The following XPO6 variants were observed in gnomAD, a reference collection of about 807,000 sequenced individuals.
XPO6 encodes exportin-6.
A neutral mutation model predicts 130.0 loss-of-function variants in XPO6; 3 were observed. The ratio of observed to expected loss-of-function variants is 0.02; its 90% confidence interval spans 0.01 to 0.06. XPO6 has a LOEUF of 0.06. XPO6 is among the 10% of genes least tolerant of loss of function. XPO6 has a pLI of 1.00. For missense variants in XPO6, 970 were observed against 1,393.0 expected (o/e 0.70, Z 4.83); for synonymous variants, 524 against 548.9 (o/e 0.95, Z 0.63).
chr16:28,155,966 G>T, intron 7 of XPO6, 108 bp downstream of exon 7: 2 of 1,472,184 alleles, frequency 1.4e-6, no homozygotes, highest in South Asian at 2.9e-5. Flanking sequence ...CTCACCAGGA[G>T]CCCCATATTC....
intron 11 of XPO6, 72 bp downstream of exon 11, chr16:28,133,769 G>A (rs1329650249): frequency 2.1e-6 from 3 of 1,407,786 alleles, no homozygotes; most frequent in Middle Eastern, 1.8e-4. Context: ...GAGAGATCCA[G>A]GGGAGTCAAC....
In XPO6 at chr16:28,156,095, C is replaced by T; in HGVS notation, c.1076G>A (p.Arg359Lys). 6.2e-7 allele frequency: 1 copy of T among 1,609,654 alleles called. No homozygotes were observed. The highest frequency in any genetic ancestry group is 2.2e-5 in the East Asian group (1 of 44,886). Residue 359 changes from arginine to lysine, a missense_variant, in exon 7 of 24, where the codon AGG becomes AAG. Transcript: ENST00000304658. ...KDNNAHTVKS[R>K]LEELDESYIE... is the part of the protein sequence containing the mutation. ...TTACCTCTCATCGAGCTCTTCTAGC[C>T]TGCTCTTCACTGTGTGGGCATTGTT...
chr16:28,098,495 A>G lies in XPO6; in HGVS notation c.*43T>C. The G allele has an allele frequency of 6.5e-7, 1 of 1,538,538 alleles. No individual in the cohort carries two copies. Among genetic ancestry groups the G allele is most frequent in the South Asian group, 1.2e-5 (1 of 86,728 alleles). ...CTGTGGTGGAAGGTAGGGCTGGCGCAGGTGGCAGCAGCAGAAGTCCGTGTC... is the reference window on the plus strand; with the variant it reads ...CTGTGGTGGAAGGTAGGGCTGGCGCGGGTGGCAGCAGCAGAAGTCCGTGTC... On this transcript the variant is annotated 3_prime_UTR_variant, in exon 24 of 24. Transcript: ENST00000304658.
At chr16:28,118,365 CTGTT>C (rs1170666407) in intron 14 of XPO6, among the ~76,000 whole-genome samples, 3 of 152,038 alleles carry the variant, frequency 2.0e-5, no homozygotes, top group African/African-American at 7.2e-5. Flanking sequence ...TTTTGTTTAT[CTGTT>C]TGTTTACTTG....
chr16:28,159,345 A>T (rs2043234810), intron 6 of XPO6, among the ~76,000 whole-genome samples: 1 of 152,194 alleles, frequency 6.6e-6, no homozygotes, highest in African/African-American at 2.4e-5. Flanking sequence ...GAAAAAAATG[A>T]TGAAGAGTGA....
intron 9 of XPO6, among the ~76,000 whole-genome samples, chr16:28,141,757 G>A (rs367859095): frequency 6.6e-5 from 10 of 152,120 alleles, no homozygotes; most frequent in Non-Finnish European, 1.2e-4. Flanking sequence ...TCAGGAGATC[G>A]AGACCACCCT....
intron 4 of XPO6, among the ~76,000 whole-genome samples, chr16:28,174,077 C>A (rs1156457906): frequency 1.3e-5 from 2 of 152,078 alleles, no homozygotes; most frequent in East Asian, 1.9e-4. Context: ...CTTAAGAGAG[C>A]CTTGGAGAGG....
chr16:28,125,217 CA>C (rs932793856), intron 13 of XPO6, among the ~76,000 whole-genome samples: 2 of 152,172 alleles, frequency 1.3e-5, no homozygotes, highest in Non-Finnish European at 2.9e-5. Flanking sequence ...GGAAAAAACA[CA>C]AAAAGCACCC....
At chr16:28,155,871 T>C (rs2043176172) in intron 7 of XPO6, 1 of 1,326,612 alleles carries the variant, frequency 7.5e-7, no homozygotes, top group Non-Finnish European at 9.7e-7. Context: ...GGCACAAGCA[T>C]TTTTCAAACT....
At chr16:28,185,386 A>AAT (rs1205749853) in intron 1 of XPO6, among the ~76,000 whole-genome samples, 50 of 151,762 alleles carry the variant, frequency 3.3e-4, no homozygotes, top group African/African-American at 1.2e-3. Context: ...ATAATAATTT[A>AAT]AATAAGTAAA....
rs534198330 is a variant in XPO6 at position 28,140,253 on chromosome 16, T to G, written c.1335-4929A>C. 8.4e-5 allele frequency among the ~76,000 whole-genome samples: 12 copies of G among 142,818 alleles called. No individual in the cohort carries two copies. In the South Asian group the frequency reaches 1.3e-3, roughly 16 times the overall value. The allele number at this position is 142,818 out of a possible 152,430, so 93.7% of individuals were successfully genotyped here. A position where few individuals can be genotyped will look rare whatever the true frequency, so the allele number is the denominator to read the frequency against. On this transcript the variant is annotated intron_variant, in intron 9 of 23. Coordinates refer to ENST00000304658, the MANE Select transcript of XPO6 (RefSeq NM_015171.4). ...TCTCAAAAAAAAAAAAAAAAAGACA[T>G]GTACAAATTAAACTAGAAAACAATA...
At chr16:28,177,645 C>T (rs1266746667) in intron 2 of XPO6, among the ~76,000 whole-genome samples, 1 of 152,126 alleles carries the variant, frequency 6.6e-6, no homozygotes, top group Non-Finnish European at 1.5e-5. Context: ...TCTAAGAGTA[C>T]CCTTCCATCT....
intron 8 of XPO6, among the ~76,000 whole-genome samples, chr16:28,149,074 C>A (rs4788047): frequency 0.31 from 40,763 of 132,612 alleles, 5,887 homozygotes; most frequent in African/African-American, 0.36. Context: ...AAAAAAAAAA[C>A]AAAAGGAAGG....
intron 20 of XPO6, chr16:28,105,837 T>A: frequency 1.4e-6 from 1 of 720,906 alleles, no homozygotes; most frequent in Non-Finnish European, 2.2e-6. Context: ...ACTGCCATGC[T>A]TACACTAGAC....
At chr16:28,168,599 TTTC>T (rs898142515) in intron 5 of XPO6, among the ~76,000 whole-genome samples, 1 of 139,302 alleles carries the variant, frequency 7.2e-6, no homozygotes, top group Non-Finnish European at 1.6e-5. Context: ...TCTTTTTCTT[TTTC>T]TTTTTTTTTT....
rs569828911 is a variant in XPO6 at position 28,132,653 on chromosome 16, T to TAA, written c.1537-251_1537-250insTT. On this transcript the variant is annotated intron_variant, in intron 11 of 23. Coordinates refer to ENST00000304658, the MANE Select transcript of XPO6 (RefSeq NM_015171.4). This position sits in a 1 kb window ranked among gnomAD's most constrained non-coding sequence, Gnocchi z 4.0. ...AAAACGTATTAGTTCAACCCTTTTT[T>TAA]TAAAAAAAAAAAAAAAGCAAAGGAC... 5.1e-5 allele frequency among the ~76,000 whole-genome samples: 7 copies of TAA among 136,312 alleles called. No individual in the cohort carries two copies. The highest frequency in any genetic ancestry group is 2.0e-4 in the East Asian group (1 of 4,954). 89.4% of individuals were successfully genotyped at this position (136,312 alleles called of 152,430 possible).
intron 1 of XPO6, among the ~76,000 whole-genome samples, chr16:28,205,351 C>T (rs1459568042): frequency 1.3e-5 from 2 of 152,102 alleles, no homozygotes; most frequent in Admixed American, 1.3e-4. Flanking sequence ...TATATGTGAC[C>T]TTTGTAACTG....
chr16:28,152,484 T>C (rs1344034258), intron 8 of XPO6, among the ~76,000 whole-genome samples, 175 bp downstream of exon 8: 2 of 152,214 alleles, frequency 1.3e-5, no homozygotes, highest in Non-Finnish European at 2.9e-5. Context: ...GAGATGACAA[T>C]GGTAATAGAA....
At chr16:28,167,141 A>G (rs2043369848) in intron 5 of XPO6, 1 of 985,160 alleles carries the variant, frequency 1.0e-6, no homozygotes, top group Non-Finnish European at 1.2e-6. Flanking sequence ...AAGCCTCTCA[A>G]GTCTCCTGTT....
Sources: gnomAD v4.1 joint callset for allele counts (sites outside exome capture counted in the v4.1 genomes callset) on GRCh38, gnomAD v4.1.1 for gene constraint, Gnocchi (gnomAD v3.1) non-coding constraint, MANE v1.5 for transcripts, NCBI Gene and HGNC (gene_info 2026-07-23, HGNC 2026-07-21) for gene names.